The following LRBA variants were observed in gnomAD, a reference collection of about 807,000 sequenced individuals.
The protein encoded by LRBA is LPS responsive beige-like anchor protein, also known as lipopolysaccharide-responsive and beige-like anchor protein.
LRBA carries 176 observed loss-of-function variants against 330.0 expected under a neutral mutation model. The ratio of observed to expected loss-of-function variants is 0.53; its 90% CI spans 0.47 to 0.60. LRBA has a LOEUF of 0.60. Among genes scored for constraint, LRBA ranks in the 20% least tolerant of loss-of-function variants. LRBA has a pLI of 0.00. For synonymous variants in LRBA, 1,230 were observed against 1,193.0 expected (o/e 1.03, Z -0.64); for missense variants, 3,259 against 3,444.8 (o/e 0.95, Z 1.35).
intron 5 of LRBA, among the ~76,000 whole-genome samples, chr4:150,917,675 C>T (rs1223493288): frequency 6.6e-6 from 1 of 152,004 alleles, no homozygotes; most frequent in South Asian, 2.1e-4. Context: ...ACCTGTAATC[C>T]CAGCACTTTG....
intron 52 of LRBA, among the ~76,000 whole-genome samples, chr4:150,309,879 A>G (rs1730835018): frequency 6.6e-6 from 1 of 152,168 alleles, no homozygotes; most frequent in Non-Finnish European, 1.5e-5. Context: ...TACAAAAGTG[A>G]GAAAATACAC....
chr4:150,739,336 G>A (rs552910173), intron 35 of LRBA, among the ~76,000 whole-genome samples: 2 of 106,292 alleles, frequency 1.9e-5, no homozygotes, highest in South Asian at 5.8e-4. Context: ...ATTATTTTCA[G>A]GTAAACATGG....
chr4:150,535,408 G>A (rs148105770), intron 40 of LRBA, among the ~76,000 whole-genome samples: 2,450 of 152,266 alleles, frequency 0.016, 70 homozygotes, highest in African/African-American at 0.054. Flanking sequence ...AAAGCACTGG[G>A]ATTACAGGCA....
intron 26 of LRBA, among the ~76,000 whole-genome samples, chr4:150,845,925 C>A (rs978057094): frequency 1.3e-5 from 2 of 152,146 alleles, no homozygotes; most frequent in Admixed American, 6.5e-5. Context: ...CACCTCATTT[C>A]CTGGTTTCAA....
chr4:150,640,416 G>T (rs1215939940), intron 37 of LRBA, among the ~76,000 whole-genome samples: 1 of 152,078 alleles, frequency 6.6e-6, no homozygotes, highest in Non-Finnish European at 1.5e-5. Context: ...CGTACTTATG[G>T]AACAATGAAA....
intron 37 of LRBA, among the ~76,000 whole-genome samples, chr4:150,672,087 AG>A (rs1014869900): frequency 6.6e-6 from 1 of 152,230 alleles, no homozygotes; most frequent in African/African-American, 2.4e-5. Flanking sequence ...AAGCAATTAC[AG>A]GAAAATCCAA....
chr4:150,911,081 A>G (rs548225651), intron 9 of LRBA, among the ~76,000 whole-genome samples: 1 of 152,304 alleles, frequency 6.6e-6, no homozygotes, highest in Non-Finnish European at 1.5e-5. Context: ...TAGTCCTAAC[A>G]GTTTTCAGTG....
intron 32 of LRBA, 44 bp from the exon 33 acceptor site, chr4:150,806,448 T>TTTTG: frequency 7.4e-7 from 1 of 1,355,504 alleles, no homozygotes; most frequent in Non-Finnish European, 9.8e-7. Flanking sequence ...CAACAGATTG[T>TTTTG]ATCAATTTTC....
In LRBA at chr4:150,582,863, C is replaced by G. The variant is rs1011556096; in HGVS notation, c.6330+5185G>C. ...GAGGGAAAAGGAAAAAACAAGCCGG[C>G]TACGGTATCAGCCGGTCAGCCCAGG... On this transcript the variant is annotated intron_variant, in intron 40 of 56. Coordinates refer to ENST00000651943, the MANE Select transcript of LRBA (RefSeq NM_001364905.1). The G allele has an allele frequency of 6.8e-5, 45 of 666,636 alleles. No individual in the cohort carries two copies. The African/African-American group carries it at 7.7e-4, about 11-fold the overall frequency. 41.3% of individuals were successfully genotyped at this position (666,636 alleles called of 1,614,324 possible).
intron 44 of LRBA, among the ~76,000 whole-genome samples, chr4:150,460,537 T>C (rs1754644221): frequency 6.6e-6 from 1 of 151,868 alleles, no homozygotes; most frequent in African/African-American, 2.4e-5. Flanking sequence ...TCTAGCATTG[T>C]AACATAGGTT....
intron 44 of LRBA, among the ~76,000 whole-genome samples, chr4:150,455,028 GGTTA>G (rs1471396323): frequency 3.3e-5 from 5 of 150,066 alleles, no homozygotes; most frequent in Non-Finnish European, 7.4e-5. Flanking sequence ...ACATTGTGCA[GGTTA>G]GTTACATATG....
chr4:150,548,786 T>C lies in LRBA; in HGVS notation c.6330+39262A>G, dbSNP rs552294910. Reference sequence around the variant, plus strand: ...ATTGTGCTAACTGCTATTACATGAATTATCTCATTTTATTCTCTCAACAAT... The same window carrying C: ...ATTGTGCTAACTGCTATTACATGAACTATCTCATTTTATTCTCTCAACAAT... On this transcript the variant is annotated intron_variant, in intron 40 of 56. Transcript: ENST00000651943. 3.3e-5 allele frequency among the ~76,000 whole-genome samples: 5 copies of C among 152,320 alleles called. No individual in the cohort carries two copies. The South Asian group carries it at 8.3e-4, about 25-fold the overall frequency.
intron 30 of LRBA, among the ~76,000 whole-genome samples, chr4:150,827,329 C>A (rs1370456723): frequency 1.3e-5 from 2 of 152,140 alleles, no homozygotes; most frequent in African/African-American, 2.4e-5. Flanking sequence ...CACATAGAAA[C>A]ATTTTTAGAC....
intron 40 of LRBA, among the ~76,000 whole-genome samples, chr4:150,578,221 T>A (rs901466705): frequency 6.6e-6 from 1 of 152,238 alleles, no homozygotes; most frequent in African/African-American, 2.4e-5. Context: ...AATCTAATAC[T>A]GTATTATTAT....
intron 47 of LRBA, among the ~76,000 whole-genome samples, chr4:150,402,254 G>C (rs1396301367): frequency 2.0e-5 from 3 of 149,776 alleles, no homozygotes; most frequent in Non-Finnish European, 4.4e-5. Context: ...TTTCAGGGTG[G>C]TACAGCAGTA....
At chr4:150,440,523 C>A (rs1016550097) in intron 44 of LRBA, among the ~76,000 whole-genome samples, 1 of 151,962 alleles carries the variant, frequency 6.6e-6, no homozygotes, top group African/African-American at 2.4e-5. Context: ...TGCCTGTAAT[C>A]CCAGCATTTT....
chr4:150,415,353 CA>C, intron 47 of LRBA, 84 bp downstream of exon 47: 1 of 1,228,428 alleles, frequency 8.1e-7, no homozygotes, highest in East Asian at 2.4e-5. Flanking sequence ...TCCAGAAGAG[CA>C]AGGGTTAATG....
chr4:150,308,578 A>C (rs1221599961), intron 52 of LRBA, among the ~76,000 whole-genome samples: 1 of 152,208 alleles, frequency 6.6e-6, no homozygotes, highest in Non-Finnish European at 1.5e-5. Flanking sequence ...GAGGTATTCC[A>C]AAAGGCAGTG....
chr4:150,648,158 C>CAAAAAAAAAAA, intron 37 of LRBA, among the ~76,000 whole-genome samples: 209 of 18,050 alleles, frequency 0.012, 33 homozygotes, highest in Non-Finnish European at 0.026. Context: ...ACACAAGTAG[C>CAAAAAAAAAAA]AAAAAAAAAA....
Sources: allele counts gnomAD v4.1 joint callset (sites outside exome capture counted in the v4.1 genomes callset), GRCh38; gene constraint gnomAD v4.1.1; transcripts MANE v1.5; gene names NCBI Gene and HGNC (gene_info 2026-07-23, HGNC 2026-07-21).